Variants in YAF2 observed in about 807,000 individuals in gnomAD.
YAF2 encodes the protein YY1 associated factor 2, also known as YY1-associated factor 2.
A neutral mutation model predicts 20.1 loss-of-function variants in YAF2; 7 were observed. The ratio of observed to expected loss-of-function variants is 0.35; its 90% CI spans 0.20 to 0.65. The LOEUF is 0.65. YAF2 is among the 30% of genes least tolerant of loss of function. The pLI, the probability that YAF2 is intolerant of heterozygous loss-of-function variation, is 0.69. For synonymous variants in YAF2, 74 were observed against 76.0 expected (o/e 0.97, Z 0.14); for missense variants, 151 against 219.2 (o/e 0.69, Z 1.96).
intron 2 of YAF2, chr12:42,234,369 A>C (rs1434831515): frequency 1.0e-6 from 1 of 985,274 alleles, no homozygotes; most frequent in East Asian, 1.1e-4. Flanking sequence ...CAATGTAAAA[A>C]ATTTTGGAGT....
intron 2 of YAF2, among the ~76,000 whole-genome samples, chr12:42,163,311 G>C (rs527869469): frequency 1.3e-5 from 2 of 152,298 alleles, no homozygotes; most frequent in African/African-American, 4.8e-5. Flanking sequence ...AAGCTAAGCA[G>C]TCTGATTTTA....
chr12:42,230,033 C>T (rs1474798156), intron 2 of YAF2, among the ~76,000 whole-genome samples: 6 of 152,050 alleles, frequency 3.9e-5, no homozygotes, highest in African/African-American at 9.6e-5. Flanking sequence ...CTGAGGCAGG[C>T]GGATCACGAG....
At chr12:42,173,533 T>C (rs902743632) in intron 2 of YAF2, among the ~76,000 whole-genome samples, 3 of 152,198 alleles carry the variant, frequency 2.0e-5, no homozygotes, top group African/African-American at 7.2e-5. Context: ...AGACTACAAA[T>C]AGGTCACTCT....
chr12:42,196,227 G>GAAAAA (rs34267272), intron 2 of YAF2, among the ~76,000 whole-genome samples: 1 of 74,510 alleles, frequency 1.3e-5, no homozygotes, highest in African/African-American at 5.2e-5. Flanking sequence ...AATCCATCTG[G>GAAAAA]AAAAAAAAAA....
chr12:42,222,503 G>A (rs560461921), intron 2 of YAF2, among the ~76,000 whole-genome samples: 5 of 152,208 alleles, frequency 3.3e-5, no homozygotes, highest in South Asian at 2.1e-4. Flanking sequence ...ATATAGGGGC[G>A]GTTTGATGAG....
intron 2 of YAF2, among the ~76,000 whole-genome samples, chr12:42,188,020 T>C (rs1193250221): frequency 6.6e-6 from 1 of 152,146 alleles, no homozygotes; most frequent in Non-Finnish European, 1.5e-5. Context: ...GCCTCAGCTG[T>C]TATCTTAGTT....
At chr12:42,194,323 C>T (rs562010388) in intron 2 of YAF2, among the ~76,000 whole-genome samples, 1 of 152,262 alleles carries the variant, frequency 6.6e-6, no homozygotes, top group East Asian at 1.9e-4. Flanking sequence ...GCCTTGCAAG[C>T]TCTATGATAC....
intron 2 of YAF2, among the ~76,000 whole-genome samples, chr12:42,179,666 C>T (rs962041989): frequency 2.0e-5 from 3 of 151,712 alleles, no homozygotes; most frequent in African/African-American, 4.8e-5. Context: ...GCACGTGCCA[C>T]CCAGCTACTT....
intron 2 of YAF2, among the ~76,000 whole-genome samples, chr12:42,227,988 C>T (rs368289685): frequency 0.035 from 4,939 of 140,466 alleles, 142 homozygotes; most frequent in Admixed American, 0.06. Flanking sequence ...GTCAGCCCCC[C>T]GCCTGGCCAG....
chr12:42,238,062 G>A, intron 1 of YAF2, 93 bp downstream of exon 1: 3 of 1,145,830 alleles, frequency 2.6e-6, no homozygotes, highest in Non-Finnish European at 3.4e-6. Context: ...GCTCGCCCCG[G>A]TGCCCGGGCG....
chr12:42,199,791 T>TA (rs35910821), intron 2 of YAF2, among the ~76,000 whole-genome samples: 104 of 148,904 alleles, frequency 7.0e-4, no homozygotes, highest in Middle Eastern at 3.4e-3. Flanking sequence ...ACTATTAGCT[T>TA]AAAAAAAAAA....
chr12:42,222,057 G>A (rs950497180), intron 2 of YAF2, among the ~76,000 whole-genome samples: 1 of 152,102 alleles, frequency 6.6e-6, no homozygotes, highest in Non-Finnish European at 1.5e-5. Context: ...AGTACATACA[G>A]AATCTTTTAA....
intron 2 of YAF2, chr12:42,172,065 G>A (rs1399463959): frequency 1.3e-5 from 2 of 152,172 alleles, no homozygotes; most frequent in Non-Finnish European, 2.9e-5. Flanking sequence ...TTCTTCCAAT[G>A]CTCTATGCTC....
intron 2 of YAF2, among the ~76,000 whole-genome samples, chr12:42,203,218 C>A (rs1015078438): frequency 1.3e-5 from 2 of 152,016 alleles, no homozygotes; most frequent in Admixed American, 6.6e-5. Flanking sequence ...AATTTTATGT[C>A]CTTCAATAAA....
At position 42,161,647 on chromosome 12, in the gene YAF2, T is replaced by C. The variant is rs1392178256; in HGVS notation, c.271A>G (p.Thr91Ala). The C allele has an allele frequency of 6.2e-7, 1 of 1,602,312 alleles. No homozygotes were observed. Among genetic ancestry groups the C allele is most frequent in the East Asian group, 2.2e-5 (1 of 44,696 alleles). The change falls in exon 3 of 4, where the codon ACA (threonine) becomes GCA (alanine). Residue 91 changes from threonine (T) to alanine (A), a missense_variant. Thr to Ala is a moderately conservative substitution (Grantham distance 58). This residue lies in a region of YAF2 where 50 missense variants were observed against 112.0 expected (regional missense o/e 0.45). Coordinates refer to ENST00000534854, the MANE Select transcript of YAF2 (RefSeq NM_005748.6). ...TTATGGCTATTCTTTTTGCTAGTTGTTTCCTTTTCACTTTTTTCTTTTTCT... is the reference window on the plus strand; with the variant it reads ...TTATGGCTATTCTTTTTGCTAGTTGCTTCCTTTTCACTTTTTTCTTTTTCT... ...KVEKEKSEKETTSKKNSHKKT... is the reference protein window; with the variant it reads ...KVEKEKSEKEATSKKNSHKKT...
chr12:42,164,759 A>C (rs959146296), intron 2 of YAF2, among the ~76,000 whole-genome samples: 1 of 152,092 alleles, frequency 6.6e-6, no homozygotes, highest in African/African-American at 2.4e-5. Flanking sequence ...CTAACCTAGG[A>C]AAGATTTTAT....
intron 2 of YAF2, among the ~76,000 whole-genome samples, chr12:42,167,248 T>C (rs2065937452): frequency 6.6e-6 from 1 of 152,126 alleles, no homozygotes; most frequent in South Asian, 2.1e-4. Context: ...ATGACACATG[T>C]CTATCTATGT....
chr12:42,211,641 A>C (rs1344424487), intron 2 of YAF2, among the ~76,000 whole-genome samples: 1 of 147,996 alleles, frequency 6.8e-6, no homozygotes, highest in East Asian at 2.1e-4. Context: ...GCTATTAGGG[A>C]GGCTGAGGCA....
chr12:42,194,886 ACT>A (rs2137121427), intron 2 of YAF2, among the ~76,000 whole-genome samples: 1 of 152,270 alleles, frequency 6.6e-6, no homozygotes, highest in South Asian at 2.1e-4. Flanking sequence ...AAGCTGTGTA[ACT>A]CTCTAATAGT....
Sources: gnomAD v4.1 joint callset for allele counts (sites outside exome capture counted in the v4.1 genomes callset) on GRCh38, gnomAD v4.1.1 for gene constraint, gnomAD v4.1.1 regional missense constraint, MANE v1.5 for transcripts, NCBI Gene and HGNC (gene_info 2026-07-23, HGNC 2026-07-21) for gene names.